The following COIL variants were observed in gnomAD, a reference collection of about 807,000 sequenced individuals.
COIL encodes the protein coilin p80.
Under a neutral mutation model 51.6 loss-of-function variants are expected in COIL, and 28 were observed. The observed-to-expected ratio is 0.54, with a 90% confidence interval of 0.40 to 0.74. COIL has a LOEUF of 0.74. Among genes scored for constraint, COIL ranks in the 30% least tolerant of loss-of-function variants. The pLI, the probability that COIL is intolerant of heterozygous loss-of-function variation, is 0.00. For missense variants in COIL, 667 were observed against 685.9 expected, an observed-to-expected ratio of 0.97 and a Z score of 0.31; for synonymous variants, 233 against 255.8, an observed-to-expected ratio of 0.91 and a Z score of 0.85.
chr17:56,961,009 G>A lies in COIL; in HGVS notation c.11C>T (p.Ser4Phe). 1.2e-6 allele frequency: 2 copies of A among 1,613,718 alleles called. No homozygotes were observed. Among genetic ancestry groups the A allele is most frequent in the African/African-American group, 1.3e-5 (1 of 75,038 alleles). ...TTGAAGCCGTAGCCTAACCGTCTCG[G>A]AAGCTGCCATCTTGCTTGGTGCTCA... MAA[S>F]ETVRLRLQFD... The change falls in exon 1 of 7, where the codon TCC (serine) becomes TTC (phenylalanine). Residue 4 changes from serine (S) to phenylalanine (F), a missense_variant. By Grantham distance (155) the Ser-to-Phe change is radical. Transcript: ENST00000240316.
intron 5 of COIL, among the ~76,000 whole-genome samples, chr17:56,946,217 T>C (rs1910246905): frequency 6.6e-6 from 1 of 152,248 alleles, no homozygotes; most frequent in Non-Finnish European, 1.5e-5. Flanking sequence ...TCAGTTCATA[T>C]AATCTTTTAT....
intron 1 of COIL, among the ~76,000 whole-genome samples, chr17:56,955,344 G>A (rs562834344): frequency 7.9e-5 from 12 of 152,150 alleles, no homozygotes; most frequent in Non-Finnish European, 7.4e-5. Flanking sequence ...CATTACAGGC[G>A]TGAGCCACCA....
chr17:56,957,171 T>C lies in COIL; in HGVS notation c.245+3604A>G, dbSNP rs552920247. ...GCTGAGGCAGGAGGAGCCCTTGAGC[T>C]CAGGAGTTCGAGGCTGTATAAGCCA... On this transcript the variant is annotated intron_variant, in intron 1 of 6. Coordinates refer to ENST00000240316, the MANE Select transcript of COIL (RefSeq NM_004645.3). Among the ~76,000 whole-genome samples the C allele has an allele frequency of 5.6e-4, 84 of 151,000 alleles. 2 individuals carry two copies. The highest frequency in any genetic ancestry group is 1.9e-3 in the African/African-American group (79 of 41,066).
At chr17:56,960,531 A>G (rs1356082942) in intron 1 of COIL, among the ~76,000 whole-genome samples, 1 of 147,792 alleles carries the variant, frequency 6.8e-6, no homozygotes, top group Non-Finnish European at 1.5e-5. Context: ...CTCAAAAAAA[A>G]AAAAATAATA....
Position 56,943,073 on chromosome 17 carries a change from G to A in COIL, c.1559-950C>T, listed in dbSNP as rs573325577. Among the ~76,000 whole-genome samples, 5 of 152,140 alleles carry A rather than the reference G, an allele frequency of 3.3e-5. No individual in the cohort carries two copies. The East Asian group carries it at 5.8e-4, about 18-fold the overall frequency. On this transcript the variant is annotated intron_variant, in intron 5 of 6. Transcript: ENST00000240316. ...TTTCTTTTTCTCTTTCCTTCTACACGTTTTATTTCTTTGTAAGAAACTTAT... is the reference window on the plus strand; with the variant it reads ...TTTCTTTTTCTCTTTCCTTCTACACATTTTATTTCTTTGTAAGAAACTTAT...
chr17:56,950,445 A>G lies in COIL; in HGVS notation c.797T>C (p.Leu266Ser). ...SISDGPSKVT[L>S]EARNSSEKLP... is the part of the protein sequence containing the mutation. ...TTTCTCTGAGGAATTTCTGGCCTCCAAAGTGACTTTGCTGGGACCATCACT... is the reference window on the plus strand; with the variant it reads ...TTTCTCTGAGGAATTTCTGGCCTCCGAAGTGACTTTGCTGGGACCATCACT... Residue 266 changes from leucine (L) to serine (S), a missense_variant, in exon 2 of 7, where the codon TTG (leucine) becomes TCG (serine). Leu to Ser is a moderately radical substitution (Grantham distance 145, BLOSUM62 -2). Coordinates refer to ENST00000240316, the MANE Select transcript of COIL (RefSeq NM_004645.3). 6.2e-7 allele frequency: 1 copy of G among 1,614,248 alleles called. No homozygotes were observed. The highest frequency in any genetic ancestry group is 8.5e-7 in the Non-Finnish European group (1 of 1,180,054).
intron 5 of COIL, among the ~76,000 whole-genome samples, chr17:56,945,345 A>AT (rs769357363): frequency 6.0e-4 from 92 of 152,192 alleles, no homozygotes; most frequent in Admixed American, 2.9e-3. Context: ...CAAAAAAAAA[A>AT]GGAAAACAAT....
intron 6 of COIL, among the ~76,000 whole-genome samples, chr17:56,940,636 AAC>A (rs1259560244): frequency 1.3e-5 from 2 of 152,232 alleles, no homozygotes; most frequent in Non-Finnish European, 2.9e-5. Flanking sequence ...GACAAGGTAA[AAC>A]ACAGTCTGGC....
Position 56,949,757 on chromosome 17 carries a change from T to C in COIL, c.1364A>G (p.Glu455Gly), listed in dbSNP as rs111308258. The C allele has an allele frequency of 1.2e-6, 2 of 1,614,142 alleles. No individual in the cohort carries two copies. The highest frequency in any genetic ancestry group is 1.7e-6 in the Non-Finnish European group (2 of 1,179,940). Residue 455 changes from glutamate to glycine, a missense_variant, in exon 3 of 7, where the codon GAG (glutamate) becomes GGG (glycine). Transcript: ENST00000240316. The stretch of plus-strand genomic sequence containing the variant: ...CAGACTATAGTCCTTCTTGGGTGTC[T>C]CTACTGGATTCTGAAAAACAGTGTT... ...NSSTIIQNPV[E>G]TPKKDYSLLP...
chr17:56,949,544 C>G, intron 3 of COIL, 110 bp from the exon 4 acceptor site: 1 of 1,398,624 alleles, frequency 7.1e-7, no homozygotes, highest in Non-Finnish European at 1.0e-6. Flanking sequence ...AGTCTGGGAG[C>G]CCTACCAGGA....
At position 56,939,051 on chromosome 17, in the gene COIL, A is replaced by C. The variant is rs536527958; in HGVS notation, c.*20T>G. On this transcript the variant is annotated 3_prime_UTR_variant, in exon 7 of 7. Coordinates refer to ENST00000240316, the MANE Select transcript of COIL (RefSeq NM_004645.3). Reference sequence around the variant, plus strand: ...TTCACAAACAAGACATTCATAAACTATAAGGTGGAGAGGTCATACTCAGGC... The same window carrying C: ...TTCACAAACAAGACATTCATAAACTCTAAGGTGGAGAGGTCATACTCAGGC... 1 of 1,386,570 alleles carries C rather than the reference A, an allele frequency of 7.2e-7. No individual in the cohort carries two copies. Among genetic ancestry groups the C allele is most frequent in the African/African-American group, 1.4e-5 (1 of 69,912 alleles). The allele number at this position is 1,386,570 out of a possible 1,614,324, so 85.9% of individuals were successfully genotyped here. A position where few individuals can be genotyped will look rare whatever the true frequency, so the allele number is the denominator to read the frequency against.
rs772234911 is a variant in COIL at position 56,950,472 on chromosome 17, A to C, written c.770T>G (p.Ile257Ser). Residue 257 changes from isoleucine (I) to serine (S), a missense_variant, in exon 2 of 7, where the codon ATC becomes AGC. Physicochemically the swap from Ile to Ser is moderately radical, Grantham distance 142. Coordinates refer to ENST00000240316, the MANE Select transcript of COIL (RefSeq NM_004645.3). ...SSESESCDES[I>S]SDGPSKVTLE... Reference sequence around the variant, plus strand: ...AGTGACTTTGCTGGGACCATCACTGATAGATTCATCACAAGATTCAGACTC... The same window carrying C: ...AGTGACTTTGCTGGGACCATCACTGCTAGATTCATCACAAGATTCAGACTC... 2.5e-6 allele frequency: 4 copies of C among 1,614,092 alleles called. No homozygotes were observed. The highest frequency in any genetic ancestry group is 2.2e-5 in the East Asian group (1 of 44,898).
rs1339862627 is a variant in COIL, at chr17:56,949,621, G to C, written c.1440+60C>G. 8.0e-6 allele frequency: 12 copies of C among 1,498,466 alleles called. No individual in the cohort carries two copies. In the South Asian group the frequency reaches 1.1e-4, roughly 14 times the overall value. The allele number at this position is 1,498,466 out of a possible 1,614,324, so 92.8% of individuals were successfully genotyped here. ...AAACACATTTAACCTGATTTTCTAA[G>C]TAAGTTTATTTGGAAGGGGAATGAA... On this transcript the variant is annotated intron_variant, in intron 3 of 6. Transcript: ENST00000240316.
Position 56,960,822 on chromosome 17 carries a change from C to T in COIL, c.198G>A (p.Leu66=). 1.9e-6 allele frequency: 3 copies of T among 1,550,588 alleles called. No homozygotes were observed. Among genetic ancestry groups the T allele is most frequent in the South Asian group, 2.4e-5 (2 of 82,680 alleles). Reference sequence around the variant, plus strand: ...CAAGGCGCGCGCTCTCGGCGGGGGGCAAGAGCCCCCCCTCCAGGTAGAGGC... The same window carrying T: ...CAAGGCGCGCGCTCTCGGCGGGGGGTAAGAGCCCCCCCTCCAGGTAGAGGC... ...FLGLYLEGGL[L]PPAESARLVR... is the part of the protein sequence containing the mutation. The change falls in exon 1 of 7, where the codon TTG becomes TTA. Residue 66 remains leucine, a synonymous_variant. Transcript: ENST00000240316.
At position 56,950,445 on chromosome 17, in the gene COIL, A is replaced by T; in HGVS notation, c.797T>A (p.Leu266Ter). 2 of 1,614,248 alleles carry T rather than the reference A, an allele frequency of 1.2e-6. No individual in the cohort carries two copies. The highest frequency in any genetic ancestry group is 2.2e-5 in the South Asian group (2 of 91,092). The change falls in exon 2 of 7, where the codon TTG (leucine) becomes TAG (stop). Residue 266 changes from leucine to a stop codon, truncating the protein, a stop_gained. Transcript: ENST00000240316. LOFTEE classifies it high-confidence loss of function. ...SISDGPSKVT[L>*]EARNSSEKLP... ...TTTCTCTGAGGAATTTCTGGCCTCCAAAGTGACTTTGCTGGGACCATCACT... is the reference window on the plus strand; with the variant it reads ...TTTCTCTGAGGAATTTCTGGCCTCCTAAGTGACTTTGCTGGGACCATCACT...
chr17:56,947,473 T>C (rs564103439), intron 4 of COIL, among the ~76,000 whole-genome samples: 33 of 152,078 alleles, frequency 2.2e-4, no homozygotes, highest in Non-Finnish European at 4.0e-4. Context: ...CTAATACCAA[T>C]TTAATATGCA....
At position 56,949,442 on chromosome 17, in the gene COIL, A is replaced by G. The variant is rs750216700; in HGVS notation, c.1441-8T>C. 6.9e-6 allele frequency: 11 copies of G among 1,604,174 alleles called. No homozygotes were observed. The highest frequency in any genetic ancestry group is 9.3e-6 in the Non-Finnish European group (11 of 1,177,686). ...GGATGTTAGCTCCAAAAGCTAAAAA[A>G]GAAGAAAAAACCCACAAATACATAA... On this transcript the variant is annotated splice_region_variant and splice_polypyrimidine_tract_variant and intron_variant, in intron 3 of 6. Transcript: ENST00000240316.
At position 56,960,924 on chromosome 17, in the gene COIL, C is replaced by G; in HGVS notation, c.96G>C (p.Leu32Phe). 1.2e-6 allele frequency: 2 copies of G among 1,614,186 alleles called. No individual in the cohort carries two copies. The highest frequency in any genetic ancestry group is 8.5e-7 in the Non-Finnish European group (1 of 1,180,014). Residue 32 changes from leucine (L) to phenylalanine (F), a missense_variant, in exon 1 of 7, where the codon TTG (leucine) becomes TTC (phenylalanine). Physicochemically the swap from Leu to Phe is conservative, Grantham distance 22. Transcript: ENST00000240316. ...HCTAFWLLVD[L>F]NRCRVVTDLI... ...GATCTGTGACGACTCGGCATCTGTT[C>G]AAGTCGACCAGAAGCCAGAAGGCCG...
intron 6 of COIL, among the ~76,000 whole-genome samples, chr17:56,940,614 A>C (rs1019659329): frequency 6.6e-6 from 1 of 152,232 alleles, no homozygotes; most frequent in Non-Finnish European, 1.5e-5. Context: ...TAAAAGTGTC[A>C]TCTACCTTAA....
Sources: gnomAD v4.1 joint callset for allele counts (sites outside exome capture counted in the v4.1 genomes callset) on GRCh38, gnomAD v4.1.1 for gene constraint, MANE v1.5 for transcripts, NCBI Gene and HGNC (gene_info 2026-07-23, HGNC 2026-07-21) for gene names.